The following VAV2 variants were observed in gnomAD, a reference collection of about 807,000 sequenced individuals.
VAV2 encodes the protein vav guanine nucleotide exchange factor 2.
VAV2 carries 67 observed loss-of-function variants against 132.5 expected under a neutral mutation model. The ratio of observed to expected loss-of-function variants is 0.51; its 90% CI spans 0.42 to 0.62. VAV2 has a LOEUF of 0.62. Ranked by LOEUF, VAV2 falls within the 20% of genes least tolerant of loss-of-function variation. VAV2 has a pLI of 0.00. For synonymous variants in VAV2, 492 were observed against 443.5 expected, an observed-to-expected ratio of 1.11 and a Z score of -1.37; for missense variants, 938 against 1,153.6, an observed-to-expected ratio of 0.81 and a Z score of 2.71.
Position 133,992,030 on chromosome 9 carries a change from G to C in VAV2, c.204+45C>G, listed in dbSNP as rs753893983. 6.9e-7 allele frequency: 1 copy of C among 1,444,820 alleles called. No homozygotes were observed. The highest frequency in any genetic ancestry group is 1.3e-5 in the South Asian group (1 of 74,946). 89.5% of individuals were successfully genotyped at this position (1,444,820 alleles called of 1,614,324 possible). ...GCGTTCAGTCCGCGCGTCGGGCAGC[G>C]CGAACGCCGCCTCCCCGGGGCCCTC... On this transcript the variant is annotated intron_variant, in intron 1 of 29. Coordinates refer to ENST00000371850, the MANE Select transcript of VAV2 (RefSeq NM_001134398.2). The surrounding 1 kb of genome is among the most constrained non-coding windows in gnomAD (Gnocchi z 5.5).
At chr9:133,859,904 C>T (rs1295674707) in intron 3 of VAV2, among the ~76,000 whole-genome samples, 1 of 152,194 alleles carries the variant, frequency 6.6e-6, no homozygotes, top group Non-Finnish European at 1.5e-5. Flanking sequence ...TAGTTATCCT[C>T]TAGAAAGTAC....
chr9:133,976,099 C>T (rs1002946077), intron 1 of VAV2, among the ~76,000 whole-genome samples: 5 of 151,782 alleles, frequency 3.3e-5, no homozygotes, highest in Admixed American at 6.6e-5. Flanking sequence ...CCCAGCTACT[C>T]GGGAGGCAGA....
intron 23 of VAV2, among the ~76,000 whole-genome samples, chr9:133,776,612 G>T (rs910620615): frequency 5.9e-5 from 9 of 152,170 alleles, no homozygotes; most frequent in African/African-American, 2.2e-4. Context: ...GGGAAACTGA[G>T]GCCTGGGGAA....
At chr9:133,803,979 C>G (rs1835039588) in intron 9 of VAV2, among the ~76,000 whole-genome samples, 1 of 152,162 alleles carries the variant, frequency 6.6e-6, no homozygotes. Context: ...CTGTGCAGCC[C>G]TCACGGGTCT....
At chr9:133,948,556 CCCA>C (rs147626964) in intron 1 of VAV2, among the ~76,000 whole-genome samples, 3,560 of 152,270 alleles carry the variant, frequency 0.023, 129 homozygotes, top group African/African-American at 0.082. Flanking sequence ...TGGAGCTCCC[CCCA>C]CCAAGAGCAA....
chr9:133,908,010 C>A (rs1216361651), intron 2 of VAV2, among the ~76,000 whole-genome samples: 1 of 120,006 alleles, frequency 8.3e-6, no homozygotes. Context: ...CTCTGCCTTC[C>A]CCCAGAGAGT....
intron 29 of VAV2, among the ~76,000 whole-genome samples, chr9:133,765,963 AT>A (rs1308473432): frequency 6.6e-6 from 1 of 152,244 alleles, no homozygotes; most frequent in Non-Finnish European, 1.5e-5. Context: ...TGTTACAAAC[AT>A]TTTACAATGT....
intron 2 of VAV2, among the ~76,000 whole-genome samples, chr9:133,930,725 G>A (rs1391148531): frequency 1.3e-5 from 2 of 152,196 alleles, no homozygotes; most frequent in Non-Finnish European, 2.9e-5. Context: ...AGGTGCTCGT[G>A]GACATAAAGG....
intron 2 of VAV2, among the ~76,000 whole-genome samples, chr9:133,931,788 G>A (rs1377792490): frequency 6.6e-6 from 1 of 152,172 alleles, no homozygotes; most frequent in Admixed American, 6.5e-5. Context: ...CCTGCCCAGG[G>A]CCCCGCGAAG....
At chr9:133,764,144 G>T (rs1181291270) in intron 29 of VAV2, 35 bp from the exon 30 acceptor site, 1 of 1,612,214 alleles carries the variant, frequency 6.2e-7, no homozygotes, top group East Asian at 2.2e-5. Flanking sequence ...CTGTGTGTGT[G>T]TGTGTGTGTG....
chr9:133,784,976 T>C (rs923200046), intron 17 of VAV2, among the ~76,000 whole-genome samples: 2 of 151,986 alleles, frequency 1.3e-5, no homozygotes, highest in African/African-American at 2.4e-5. Flanking sequence ...TTTTGCACAA[T>C]AGGATGTTGG....
rs1258232298 is a variant in VAV2, at chr9:133,918,553, C to T, written c.321+20550G>A. ...GCCAAGTCCTTCACGGCAGCTCATT[C>T]GTTCCTGCCTCACAACTCCACGTGG... On this transcript the variant is annotated intron_variant, in intron 2 of 29. Coordinates refer to ENST00000371850, the MANE Select transcript of VAV2 (RefSeq NM_001134398.2). This position sits in a 1 kb window ranked among gnomAD's most constrained non-coding sequence, Gnocchi z 4.7. 1.3e-4 allele frequency among the ~76,000 whole-genome samples: 20 copies of T among 151,522 alleles called. No homozygotes were observed. The highest frequency in any genetic ancestry group is 1.2e-3 in the Admixed American group (19 of 15,262).
intron 1 of VAV2, among the ~76,000 whole-genome samples, chr9:133,959,425 C>T (rs1374372041): frequency 1.3e-5 from 2 of 152,182 alleles, no homozygotes; most frequent in Non-Finnish European, 2.9e-5. Context: ...GTGACCACCT[C>T]TCAAGCTGTT....
At chr9:133,856,303 TAC>T (rs1345525090) in intron 3 of VAV2, among the ~76,000 whole-genome samples, 2 of 152,196 alleles carry the variant, frequency 1.3e-5, no homozygotes, top group Non-Finnish European at 2.9e-5. Flanking sequence ...TTTCAATTTT[TAC>T]AAGTCAGAAA....
At chr9:133,771,870 A>G in intron 26 of VAV2, 89 bp downstream of exon 26, 1 of 1,252,992 alleles carries the variant, frequency 8.0e-7, no homozygotes, top group African/African-American at 1.5e-5. Flanking sequence ...CAATCCTCAC[A>G]GAAAACATGG....
chr9:133,909,662 G>A (rs1386816258), intron 2 of VAV2, among the ~76,000 whole-genome samples: 1 of 135,436 alleles, frequency 7.4e-6, no homozygotes, highest in African/African-American at 2.7e-5. Flanking sequence ...TAGATGGTCC[G>A]ACTGGGCAAA....
chr9:133,840,883 A>C lies in VAV2; in HGVS notation c.381-6543T>G, dbSNP rs1302416830. ...GCCTACAGCTGCATGGTGGCCCCAC[A>C]GTCCAGAGGGAGGGGCACATTGGAC... On this transcript the variant is annotated intron_variant, in intron 3 of 29. Transcript: ENST00000371850. The surrounding 1 kb of genome is among the most constrained non-coding windows in gnomAD (Gnocchi z 4.5). Among the ~76,000 whole-genome samples the C allele has an allele frequency of 6.6e-6, 1 of 152,180 alleles. No homozygotes were observed. Among genetic ancestry groups the C allele is most frequent in the East Asian group, 1.9e-4 (1 of 5,178 alleles).
In VAV2 at chr9:133,795,079, G is replaced by A. The variant is rs192282370; in HGVS notation, c.1101+589C>T. The stretch of plus-strand genomic sequence containing the variant: ...CTGGAACTGTGCTGAACACAGCTGC[G>A]ACATCAGGGGCAAGTATCCTGCAGA... On this transcript the variant is annotated intron_variant, in intron 12 of 29. Coordinates refer to ENST00000371850, the MANE Select transcript of VAV2 (RefSeq NM_001134398.2). Among the ~76,000 whole-genome samples, 103 of 152,328 alleles carry A rather than the reference G, an allele frequency of 6.8e-4. No homozygotes were observed. In the Middle Eastern group the frequency reaches 0.01, roughly 15 times the overall value.
chr9:133,939,470 C>T (rs1841053517), intron 1 of VAV2, among the ~76,000 whole-genome samples: 1 of 152,098 alleles, frequency 6.6e-6, no homozygotes, highest in South Asian at 2.1e-4. Flanking sequence ...AGGGTGTAGC[C>T]ACCACCGCCC....
Sources: allele counts gnomAD v4.1 joint callset (sites outside exome capture counted in the v4.1 genomes callset), GRCh38; gene constraint gnomAD v4.1.1; non-coding constraint Gnocchi (gnomAD v3.1); transcripts MANE v1.5; gene names NCBI Gene and HGNC (gene_info 2026-07-23, HGNC 2026-07-21).